Variants in ABCD3 observed in about 807,000 individuals in gnomAD.
ABCD3 encodes ATP binding cassette subfamily D member 3.
ABCD3 carries 41 observed loss-of-function variants against 105.5 expected under a neutral mutation model. The observed-to-expected ratio is 0.39, with a 90% confidence interval of 0.30 to 0.50. The LOEUF is 0.50. Among genes scored for constraint, ABCD3 ranks in the 20% least tolerant of loss-of-function variants. The pLI is 0.84. For synonymous variants in ABCD3, 258 were observed against 269.0 expected (o/e 0.96, Z 0.40); for missense variants, 622 against 806.3 (o/e 0.77, Z 2.77).
chr1:94,443,174 G>C (rs1036319823), intron 1 of ABCD3, among the ~76,000 whole-genome samples: 1 of 152,016 alleles, frequency 6.6e-6, no homozygotes, highest in Non-Finnish European at 1.5e-5. Flanking sequence ...GGTATAGGAT[G>C]GTAATCTCCT....
chr1:94,493,225 A>G (rs942119386), intron 16 of ABCD3, among the ~76,000 whole-genome samples: 1 of 152,006 alleles, frequency 6.6e-6, no homozygotes, highest in Non-Finnish European at 1.5e-5. Flanking sequence ...TCCAGAATCT[A>G]CAATGAACTC....
At chr1:94,442,559 T>C (rs1000243406) in intron 1 of ABCD3, among the ~76,000 whole-genome samples, 9 of 152,336 alleles carry the variant, frequency 5.9e-5, no homozygotes, top group Non-Finnish European at 1.3e-4. Context: ...GGGCTTTTAG[T>C]GTACCCATCA....
At chr1:94,408,665 T>TC in the ABCD3 span, among the ~76,000 whole-genome samples, 1 of 151,978 alleles carries the variant, frequency 6.6e-6, no homozygotes, top group African/African-American at 2.4e-5. Context: ...CGATAAATCA[T>TC]CCATATGGCT....
chr1:94,460,056 C>T (rs568677781), intron 2 of ABCD3, among the ~76,000 whole-genome samples: 1 of 152,124 alleles, frequency 6.6e-6, no homozygotes, highest in East Asian at 1.9e-4. Context: ...TGAATAATAA[C>T]AATGCTGCTA....
intron 1 of ABCD3, among the ~76,000 whole-genome samples, chr1:94,425,342 T>A (rs1431748275): frequency 6.6e-6 from 1 of 152,238 alleles, no homozygotes; most frequent in Admixed American, 6.5e-5. Context: ...CATACCTCTT[T>A]CCTATATTTC....
intron 22 of ABCD3, among the ~76,000 whole-genome samples, chr1:94,515,735 C>T (rs1189057025): frequency 1.3e-5 from 2 of 151,922 alleles, no homozygotes; most frequent in East Asian, 3.9e-4. Flanking sequence ...GTGCCATTCT[C>T]ACTATGTCAG....
chr1:94,405,016 A>G, the ABCD3 span, among the ~76,000 whole-genome samples: 1 of 151,938 alleles, frequency 6.6e-6, no homozygotes, highest in East Asian at 1.9e-4. Flanking sequence ...CATAGAACTC[A>G]TTATGTGTAT....
the ABCD3 span, among the ~76,000 whole-genome samples, chr1:94,396,771 A>G: frequency 3.9e-5 from 6 of 152,308 alleles, no homozygotes; most frequent in African/African-American, 1.2e-4. Flanking sequence ...CTGTGGGCCC[A>G]TGGGCCTGGA....
rs377327344 is a variant in ABCD3, at chr1:94,430,388, G to A, written c.110+11800G>A. On this transcript the variant is annotated intron_variant, in intron 1 of 22. Coordinates refer to ENST00000370214, the MANE Select transcript of ABCD3 (RefSeq NM_002858.4). ...ATGAGATTTGGGAGGGACTGGGGCA[G>A]AATGATATGGTTTGGCTGTGTCCCC... 1.3e-4 allele frequency among the ~76,000 whole-genome samples: 20 copies of A among 152,296 alleles called. No homozygotes were observed. The South Asian group carries it at 1.7e-3, about 13-fold the overall frequency.
intron 19 of ABCD3, 24 bp downstream of exon 19, chr1:94,499,058 A>T (rs1018170022): frequency 6.4e-7 from 1 of 1,561,786 alleles, no homozygotes; most frequent in Admixed American, 1.7e-5. Context: ...TATATCCTAG[A>T]TCCACTGAAA....
At chr1:94,491,720 T>A (rs1268091473) in intron 16 of ABCD3, among the ~76,000 whole-genome samples, 1 of 151,826 alleles carries the variant, frequency 6.6e-6, no homozygotes, top group Non-Finnish European at 1.5e-5. Context: ...ACAAGTAAAA[T>A]CCCATGCCAA....
At chr1:94,443,998 C>T (rs1660236130) in intron 1 of ABCD3, among the ~76,000 whole-genome samples, 1 of 151,928 alleles carries the variant, frequency 6.6e-6, no homozygotes, top group African/African-American at 2.4e-5. Flanking sequence ...AGTTTTCTCT[C>T]ATGTCTTTTT....
At chr1:94,498,030 T>A (rs1649902488) in intron 16 of ABCD3, among the ~76,000 whole-genome samples, 1 of 152,152 alleles carries the variant, frequency 6.6e-6, no homozygotes, top group African/African-American at 2.4e-5. Context: ...TTTCTAAACT[T>A]TATCTCTCTT....
At chr1:94,419,352 C>G in intron 1 of ABCD3, 1 of 985,092 alleles carries the variant, frequency 1.0e-6, no homozygotes, top group Non-Finnish European at 1.2e-6. Context: ...TTTAATGACA[C>G]GCCACTGCTT....
intron 1 of ABCD3, among the ~76,000 whole-genome samples, chr1:94,433,644 T>TTG (rs1659779326): frequency 6.6e-6 from 1 of 151,406 alleles, no homozygotes; most frequent in Admixed American, 6.6e-5. Context: ...TTTTTTTTTT[T>TTG]GTCTAAACAT....
chr1:94,476,019 T>C (rs1022238166), intron 7 of ABCD3, among the ~76,000 whole-genome samples: 1 of 152,194 alleles, frequency 6.6e-6, no homozygotes, highest in Non-Finnish European at 1.5e-5. Context: ...TGAATTCTCA[T>C]CTTTTGACCT....
intron 16 of ABCD3, among the ~76,000 whole-genome samples, chr1:94,492,798 A>G (rs1248640032): frequency 6.6e-6 from 1 of 152,196 alleles, no homozygotes; most frequent in Non-Finnish European, 1.5e-5. Context: ...CTGAAGCACA[A>G]TGAGAAAGGG....
chr1:94,410,004 G>A, the ABCD3 span, among the ~76,000 whole-genome samples: 1 of 152,140 alleles, frequency 6.6e-6, no homozygotes, highest in Non-Finnish European at 1.5e-5. Context: ...ATATACAGAT[G>A]GACTCCATAT....
At chr1:94,401,280 A>G in the ABCD3 span, among the ~76,000 whole-genome samples, 1 of 152,268 alleles carries the variant, frequency 6.6e-6, no homozygotes, top group South Asian at 2.1e-4. Flanking sequence ...ACCTGCTAGC[A>G]TGTATAGTCG....
Sources: gnomAD v4.1 joint callset for allele counts (sites outside exome capture counted in the v4.1 genomes callset) on GRCh38, gnomAD v4.1.1 for gene constraint, MANE v1.5 for transcripts, NCBI Gene and HGNC (gene_info 2026-07-23, HGNC 2026-07-21) for gene names.